KIR3DL1: variants seen among roughly 807,000 people sequenced by gnomAD.
KIR3DL1 encodes killer cell immunoglobulin-like receptor 3DL1.
In KIR3DL1, 50 loss-of-function variants were observed where a neutral mutation model predicts 40.3. The ratio of observed to expected loss-of-function variants is 1.24; its 90% CI spans 0.99 to 1.57. The LOEUF (loss-of-function observed/expected upper bound fraction) is 1.57. KIR3DL1 is among the 40% of genes most tolerant of loss of function. The pLI is 0.00. For synonymous variants in KIR3DL1, 257 were observed against 207.2 expected, an observed-to-expected ratio of 1.24 and a Z score of -2.07; for missense variants, 661 against 559.9, an observed-to-expected ratio of 1.18 and a Z score of -1.82.
At chr19:54,818,217 A>T in intron 2 of KIR3DL1, 98 bp from the exon 3 acceptor site, 1 of 1,346,204 alleles carries the variant, frequency 7.4e-7, no homozygotes, top group South Asian at 1.3e-5. Flanking sequence ...GTGTGGTAGG[A>T]GCCTTAGAAA....
chr19:54,820,767 G>T (rs867950010), intron 4 of KIR3DL1, among the ~76,000 whole-genome samples: 2 of 150,992 alleles, frequency 1.3e-5, no homozygotes, highest in African/African-American at 4.9e-5. Flanking sequence ...GGAGAGAAAA[G>T]CCCCAAAATC....
intron 3 of KIR3DL1, among the ~76,000 whole-genome samples, chr19:54,818,969 T>C (rs768852527): frequency 8.0e-5 from 12 of 150,250 alleles, no homozygotes; most frequent in Non-Finnish European, 1.5e-4. Flanking sequence ...TAGAGCAGTG[T>C]AGTGGGAGGG....
At chr19:54,826,087 C>T (rs1363900784) in intron 6 of KIR3DL1, among the ~76,000 whole-genome samples, 1 of 150,880 alleles carries the variant, frequency 6.6e-6, no homozygotes, top group African/African-American at 2.5e-5. Flanking sequence ...TCCTTCTTTC[C>T]ATGTAAAATA....
At chr19:54,823,823 G>A (rs1334421167) in intron 5 of KIR3DL1, among the ~76,000 whole-genome samples, 2 of 151,692 alleles carry the variant, frequency 1.3e-5, no homozygotes, top group Admixed American at 6.6e-5. Flanking sequence ...AAAACTCATC[G>A]CGATTGTAAT....
At chr19:54,826,872 C>T (rs1356849525) in intron 6 of KIR3DL1, among the ~76,000 whole-genome samples, 3 of 151,604 alleles carry the variant, frequency 2.0e-5, no homozygotes, top group Non-Finnish European at 2.9e-5. Flanking sequence ...TGTGGAGAGA[C>T]GGAGAGCACA....
intron 6 of KIR3DL1, among the ~76,000 whole-genome samples, chr19:54,828,982 A>G (rs1228009481): frequency 2.1e-5 from 3 of 141,440 alleles, no homozygotes; most frequent in African/African-American, 5.1e-5. Flanking sequence ...CTTTTTAACA[A>G]CCAGCTCTCC....
At position 54,819,784 on chromosome 19, in the gene KIR3DL1, C is replaced by T. The variant is rs187691652; in HGVS notation, c.427C>T (p.Gln143Ter). ...GAAATCAGGAGAGAGAGTCATCCTG[C>T]AATGTTGGTCAGATATCATGTTTGA... The change falls in exon 4 of 9, where the codon CAA becomes TAA. Residue 143 changes from glutamine (Q) to a stop codon, truncating the protein, a stop_gained. Coordinates refer to ENST00000391728, the Ensembl canonical transcript of KIR3DL1. LOFTEE classifies it high-confidence loss of function. 2.5e-5 allele frequency: 41 copies of T among 1,611,390 alleles called. No homozygotes were observed. In the East Asian group the frequency reaches 7.6e-4, roughly 30 times the overall value.
rs544143124 is a variant in KIR3DL1 at position 54,818,614 on chromosome 19, G to T, written c.355+15G>T. 1.4e-5 allele frequency: 22 copies of T among 1,602,262 alleles called. 2 individuals carry two copies. In the South Asian group the frequency reaches 2.3e-4, roughly 17 times the overall value. ...CATGGTCACAGGTCAGAGGCTTTCC[G>T]TCTGGGCTTCTCACTGTCCCACCTC... On this transcript the variant is annotated intron_variant, in intron 3 of 8. Coordinates refer to ENST00000391728, the Ensembl canonical transcript of KIR3DL1.
exon 3 of KIR3DL1, chr19:54,818,322 G>A (rs751662175): frequency 2.5e-5 from 40 of 1,599,852 alleles, no homozygotes; most frequent in Non-Finnish European, 3.4e-5. Context: ...CAGGTGGTCA[G>A]GACAAACCCT....
At chr19:54,818,698 C>T (rs190906395) in intron 3 of KIR3DL1, 99 bp downstream of exon 3, 1 of 1,473,424 alleles carries the variant, frequency 6.8e-7, no homozygotes, top group African/African-American at 1.4e-5. Flanking sequence ...CAGGCCCTGA[C>T]TGTATTTGGG....
chr19:54,829,264 T>C (rs200439991), intron 6 of KIR3DL1, 97 bp from the exon 7 acceptor site: 11,727 of 920,764 alleles, frequency 0.013, 1,008 homozygotes, highest in Admixed American at 0.026. Flanking sequence ...CCGAAAGAGA[T>C]GCTGTAAGTG....
chr19:54,820,481 A>G (rs1357405819), intron 4 of KIR3DL1, among the ~76,000 whole-genome samples: 1 of 151,540 alleles, frequency 6.6e-6, no homozygotes, highest in Non-Finnish European at 1.5e-5. Flanking sequence ...TCTGCCTTCC[A>G]TGCAATGGAG....
intron 3 of KIR3DL1, among the ~76,000 whole-genome samples, chr19:54,819,046 C>G (rs1193613035): frequency 4.8e-4 from 72 of 151,168 alleles, no homozygotes; most frequent in Non-Finnish European, 6.8e-4. Flanking sequence ...TGCAGGTGGC[C>G]TCTAAGGGCT....
Position 54,830,335 on chromosome 19 carries a change from G to C in KIR3DL1, c.*60G>C. The stretch of plus-strand genomic sequence containing the variant: ...GAGACAACAGCCCTGTCTCAAAACC[G>C]AGTTGCCAGCTCCCATGTACCAGCA... On this transcript the variant is annotated 3_prime_UTR_variant, in exon 9 of 9. Coordinates refer to ENST00000391728, the Ensembl canonical transcript of KIR3DL1. 1.8e-5 allele frequency: 26 copies of C among 1,472,258 alleles called. 8 individuals are homozygous for C. Among genetic ancestry groups the C allele is most frequent in the South Asian group, 1.7e-4 (13 of 78,252 alleles). The allele number at this position is 1,472,258 out of a possible 1,614,324, so 91.2% of individuals were successfully genotyped here.
At chr19:54,821,490 A>G (rs2061630772) in intron 4 of KIR3DL1, 75 bp from the exon 5 acceptor site, 10 of 1,491,286 alleles carry the variant, frequency 6.7e-6, no homozygotes, top group Non-Finnish European at 9.1e-6. Flanking sequence ...CAGGGGAGTG[A>G]GTTCTCAGCT....
chr19:54,825,787 C>G (rs1414194458), intron 6 of KIR3DL1, among the ~76,000 whole-genome samples: 1 of 150,824 alleles, frequency 6.6e-6, no homozygotes, highest in African/African-American at 2.5e-5. Flanking sequence ...CTGCTTCTCA[C>G]TTGTCCCAGC....
At chr19:54,830,394 G>A (rs573026067) in exon 9 of KIR3DL1, 1 of 1,196,602 alleles carries the variant, frequency 8.4e-7, no homozygotes, top group Non-Finnish European at 1.2e-6. Context: ...TTCATCTTAG[G>A]GCATCGCTCC....
intron 5 of KIR3DL1, among the ~76,000 whole-genome samples, chr19:54,822,243 T>C (rs1462792578): frequency 6.6e-6 from 1 of 151,370 alleles, no homozygotes; most frequent in Non-Finnish European, 1.5e-5. Context: ...CCCTTTTCTT[T>C]TCATTTTCAA....
rs200064560 is a variant in KIR3DL1 at position 54,821,625 on chromosome 19, G to A, written c.716G>A (p.Ser239Asn). 4.8e-5 allele frequency: 78 copies of A among 1,608,938 alleles called. 3 individuals are homozygous for A. Among genetic ancestry groups the A allele is most frequent in the Middle Eastern group, 1.7e-4 (1 of 6,038 alleles). Residue 239 changes from serine to asparagine, a missense_variant, in exon 5 of 9, where the codon AGC (serine) becomes AAC (asparagine). Ser to Asn is a conservative substitution (Grantham distance 46, BLOSUM62 1). Coordinates refer to ENST00000391728, the Ensembl canonical transcript of KIR3DL1. ...GGCCCCAAGGTTCAGGCAGGAGAGA[G>A]CGTGACCTTGTCCTGTAGCTCCCGG...
Sources: allele counts gnomAD v4.1 joint callset (sites outside exome capture counted in the v4.1 genomes callset), GRCh38; gene constraint gnomAD v4.1.1; transcripts MANE v1.5; gene names NCBI Gene and HGNC (gene_info 2026-07-23, HGNC 2026-07-21).